CLSTN2: variants seen among roughly 807,000 people sequenced by gnomAD.
The protein encoded by CLSTN2 is calsyntenin 2.
In CLSTN2, 48 loss-of-function variants were observed where a neutral mutation model predicts 101.2. That is an observed-to-expected ratio of 0.47 (90% CI 0.38 to 0.60). The LOEUF is 0.60. Among genes scored for constraint, CLSTN2 ranks in the 20% least tolerant of loss-of-function variants. CLSTN2 has a pLI of 0.00. For missense variants in CLSTN2, 1,160 were observed against 1,238.2 expected, an observed-to-expected ratio of 0.94 and a Z score of 0.95; for synonymous variants, 481 against 463.6, an observed-to-expected ratio of 1.04 and a Z score of -0.48.
rs1935982491 is a variant in CLSTN2 at position 140,564,089 on chromosome 3, G to A, written c.2611G>A (p.Glu871Lys). The change falls in exon 16 of 17, where the codon GAA becomes AAA. Residue 871 changes from glutamate to lysine, a missense_variant. Physicochemically the swap from Glu to Lys is moderately conservative, Grantham distance 56. Coordinates refer to ENST00000458420, the MANE Select transcript of CLSTN2 (RefSeq NM_022131.3). ...HFIQETEAAKESEMDWDDSAL... is the reference protein window; with the variant it reads ...HFIQETEAAKKSEMDWDDSAL... Reference sequence around the variant, plus strand: ...CATCCAGGAGACTGAGGCTGCCAAGGAATCTGAGATGGACTGGGACGATTC... The same window carrying A: ...CATCCAGGAGACTGAGGCTGCCAAGAAATCTGAGATGGACTGGGACGATTC... 6.2e-7 allele frequency: 1 copy of A among 1,614,158 alleles called. No homozygotes were observed. The highest frequency in any genetic ancestry group is 8.5e-7 in the Non-Finnish European group (1 of 1,180,012).
intron 1 of CLSTN2, among the ~76,000 whole-genome samples, chr3:139,936,862 A>AT (rs11440605): frequency 0.23 from 35,041 of 151,352 alleles, 4,605 homozygotes; most frequent in Non-Finnish European, 0.3. Flanking sequence ...TCTTTTCAGC[A>AT]TTTTTTTTCT....
intron 2 of CLSTN2, among the ~76,000 whole-genome samples, chr3:140,385,571 G>A (rs913572443): frequency 6.6e-6 from 1 of 151,628 alleles, no homozygotes; most frequent in Non-Finnish European, 1.5e-5. Context: ...TAGAGACGGG[G>A]TTTCACCGTG....
In CLSTN2 at chr3:140,290,551, CTT is replaced by C. The variant is rs1270852139; in HGVS notation, c.233-113077_233-113076del. 4.6e-5 allele frequency among the ~76,000 whole-genome samples: 7 copies of C among 152,314 alleles called. No individual in the cohort carries two copies. The East Asian group carries it at 1.4e-3, about 29-fold the overall frequency. On this transcript the variant is annotated intron_variant, in intron 2 of 16. Transcript: ENST00000458420. Reference sequence around the variant, plus strand: ...GGAGGTAGGGGGAAGGGAACACTCTCTTGTCTTCTGAGAAGTTCAGTCTATGG... The same window carrying C: ...GGAGGTAGGGGGAAGGGAACACTCTCGTCTTCTGAGAAGTTCAGTCTATGG...
chr3:140,150,203 T>C (rs2009840762), intron 1 of CLSTN2, among the ~76,000 whole-genome samples: 1 of 152,224 alleles, frequency 6.6e-6, no homozygotes, highest in Non-Finnish European at 1.5e-5. Flanking sequence ...CAGGCATTGC[T>C]AGGTGAAGGG....
Position 140,192,336 on chromosome 3 carries a change from T to C in CLSTN2, c.232+16263T>C, listed in dbSNP as rs151072363. Among the ~76,000 whole-genome samples the C allele has an allele frequency of 7.9e-5, 12 of 152,104 alleles. 1 individual carries two copies. The South Asian group carries it at 2.1e-3, about 26-fold the overall frequency. On this transcript the variant is annotated intron_variant, in intron 2 of 16. Coordinates refer to ENST00000458420, the MANE Select transcript of CLSTN2 (RefSeq NM_022131.3). ...GTAGATTACATCCTGTTATTTGATG[T>C]TGAACTTTTCTGTATCCTAGCTGAT...
At chr3:140,016,984 G>C (rs2007215260) in intron 1 of CLSTN2, among the ~76,000 whole-genome samples, 1 of 152,134 alleles carries the variant, frequency 6.6e-6, no homozygotes, top group South Asian at 2.1e-4. Context: ...AGCGATGTCG[G>C]TGTCCCTAAC....
intron 2 of CLSTN2, among the ~76,000 whole-genome samples, chr3:140,385,803 C>T (rs975948630): frequency 6.6e-6 from 1 of 152,164 alleles, no homozygotes; most frequent in Non-Finnish European, 1.5e-5. Flanking sequence ...TAATTACTCA[C>T]TGCACAAGGC....
chr3:140,125,447 G>A (rs2009414172), intron 1 of CLSTN2, among the ~76,000 whole-genome samples: 1 of 152,050 alleles, frequency 6.6e-6, no homozygotes, highest in Non-Finnish European at 1.5e-5. Flanking sequence ...AGATAAAGTG[G>A]GAAGGCAGAG....
chr3:140,155,398 A>G (rs1479654502), intron 1 of CLSTN2, among the ~76,000 whole-genome samples: 1 of 152,220 alleles, frequency 6.6e-6, no homozygotes, highest in African/African-American at 2.4e-5. Flanking sequence ...GAGCAGCAAT[A>G]GTGTGCCATT....
chr3:140,286,251 T>C (rs895902400), intron 2 of CLSTN2, among the ~76,000 whole-genome samples: 1 of 152,150 alleles, frequency 6.6e-6, no homozygotes, highest in Admixed American at 6.5e-5. Flanking sequence ...TGCTGAGCCT[T>C]TTATTCATAC....
intron 1 of CLSTN2, among the ~76,000 whole-genome samples, chr3:140,075,669 C>G (rs542049396): frequency 2.0e-5 from 3 of 152,244 alleles, no homozygotes; most frequent in Non-Finnish European, 2.9e-5. Flanking sequence ...CACCTGGTGT[C>G]AAGAAGCTAT....
intron 6 of CLSTN2, among the ~76,000 whole-genome samples, chr3:140,450,435 A>C (rs932236821): frequency 6.6e-6 from 1 of 152,168 alleles, no homozygotes; most frequent in African/African-American, 2.4e-5. Context: ...CAGACTGTTG[A>C]CATGGTGATG....
At chr3:139,945,584 G>A (rs919735923) in intron 1 of CLSTN2, among the ~76,000 whole-genome samples, 10 of 152,102 alleles carry the variant, frequency 6.6e-5, no homozygotes, top group African/African-American at 1.4e-4. Context: ...CACACAGCTG[G>A]TAGTCACCAT....
intron 5 of CLSTN2, among the ~76,000 whole-genome samples, chr3:140,433,076 T>G (rs1376564472): frequency 6.6e-6 from 1 of 152,192 alleles, no homozygotes; most frequent in Non-Finnish European, 1.5e-5. Context: ...TTTCCTACAA[T>G]GCATCTCAAA....
intron 1 of CLSTN2, among the ~76,000 whole-genome samples, chr3:140,028,772 T>C (rs1207319622): frequency 3.3e-5 from 5 of 151,996 alleles, no homozygotes. Context: ...GAGCAGACAA[T>C]ATTGGGAGAA....
chr3:140,523,561 T>C (rs1481499289), intron 8 of CLSTN2, among the ~76,000 whole-genome samples: 1 of 152,238 alleles, frequency 6.6e-6, no homozygotes, highest in Non-Finnish European at 1.5e-5. Flanking sequence ...AGGCTGAAAA[T>C]ATGTGCTAAA....
intron 2 of CLSTN2, among the ~76,000 whole-genome samples, chr3:140,217,939 C>T (rs987835888): frequency 2.6e-5 from 4 of 152,148 alleles, no homozygotes; most frequent in Non-Finnish European, 5.9e-5. Context: ...TTCATGTGGC[C>T]CTGAAATGAA....
intron 1 of CLSTN2, among the ~76,000 whole-genome samples, chr3:140,099,452 T>C (rs905825646): frequency 1.4e-4 from 22 of 152,102 alleles, no homozygotes; most frequent in African/African-American, 4.6e-4. Context: ...ACTCTTGTCA[T>C]TGAATTGAAG....
At chr3:140,143,059 G>A (rs2009727721) in intron 1 of CLSTN2, among the ~76,000 whole-genome samples, 1 of 152,222 alleles carries the variant, frequency 6.6e-6, no homozygotes, top group South Asian at 2.1e-4. Flanking sequence ...ATCACGACAG[G>A]GTTGTTGGCT....
Sources: allele counts gnomAD v4.1 joint callset (sites outside exome capture counted in the v4.1 genomes callset), GRCh38; gene constraint gnomAD v4.1.1; transcripts MANE v1.5; gene names NCBI Gene and HGNC (gene_info 2026-07-23, HGNC 2026-07-21).